The following DLGAP1 variants were observed in gnomAD, a reference collection of about 807,000 sequenced individuals.
The protein encoded by DLGAP1 is disks large-associated protein 1.
In DLGAP1, 11 loss-of-function variants were observed where a neutral mutation model predicts 90.8. That is an observed-to-expected ratio of 0.12 (90% CI 0.08 to 0.20). The LOEUF (loss-of-function observed/expected upper bound fraction) is 0.20, where lower values mean the gene tolerates loss of function less well. DLGAP1 is among the 10% of genes least tolerant of loss of function. The probability of loss-of-function intolerance (pLI) is 1.00; values close to 1 mark genes in which losing one functional copy is unlikely to be tolerated. For synonymous variants in DLGAP1, 558 were observed against 540.7 expected (o/e 1.03, Z -0.44); for missense variants, 1,050 against 1,333.8 (o/e 0.79, Z 3.31).
In DLGAP1 at chr18:3,581,908, A is replaced by G. The variant is rs776910584; in HGVS notation, c.1932T>C (p.Phe644=). Residue 644 remains phenylalanine, a synonymous_variant, in exon 8 of 13, where the codon TTT becomes TTC. Coordinates refer to ENST00000315677, the MANE Select transcript of DLGAP1 (RefSeq NM_004746.4). ...VTTEDRKKDH[F]KKNRCLSIGI... ...CGATAGACAGGCATCGATTTTTCTT[A>G]AAGTGGTCCTTCTTCCTGTCCTCCG... is the stretch of plus-strand genomic sequence containing the variant. 5 of 1,614,180 alleles carry G rather than the reference A, an allele frequency of 3.1e-6. No individual in the cohort carries two copies.
chr18:4,412,785 ATAGAG>A (rs2082807831), intron 1 of DLGAP1, among the ~76,000 whole-genome samples: 1 of 152,198 alleles, frequency 6.6e-6, no homozygotes, highest in Non-Finnish European at 1.5e-5. Context: ...AGTGAACACG[ATAGAG>A]TATAGATTCC....
intron 1 of DLGAP1, among the ~76,000 whole-genome samples, chr18:4,258,010 T>TGTGCGC (rs529531621): frequency 1.1e-4 from 15 of 137,112 alleles, no homozygotes; most frequent in African/African-American, 2.3e-4. Flanking sequence ...TGTGTGTGTG[T>TGTGCGC]GCGCGCGCGC....
At chr18:4,306,475 G>T (rs2080266902) in intron 1 of DLGAP1, among the ~76,000 whole-genome samples, 1 of 144,830 alleles carries the variant, frequency 6.9e-6, no homozygotes, top group African/African-American at 2.5e-5. Context: ...GAGAGAGAGA[G>T]ACAGACAGAG....
At chr18:3,741,184 A>ACC (rs2062980362) in intron 6 of DLGAP1, among the ~76,000 whole-genome samples, 1 of 51,418 alleles carries the variant, frequency 1.9e-5, no homozygotes, top group Non-Finnish European at 4.0e-5. Context: ...CACCACCACC[A>ACC]CCACCACCAC....
chr18:3,570,482 T>C (rs2054710078), intron 8 of DLGAP1, among the ~76,000 whole-genome samples: 1 of 151,870 alleles, frequency 6.6e-6, no homozygotes, highest in African/African-American at 2.4e-5. Context: ...TTTCACTACA[T>C]TGGCCAGGCT....
intron 1 of DLGAP1, among the ~76,000 whole-genome samples, chr18:4,357,617 T>C (rs2081549767): frequency 6.6e-6 from 1 of 152,086 alleles, no homozygotes; most frequent in African/African-American, 2.4e-5. Flanking sequence ...AAGAGAAGAG[T>C]TGGTGTAGCT....
chr18:3,879,447 G>T lies in DLGAP1; in HGVS notation c.622C>A (p.Leu208Met). Residue 208 changes from leucine (L) to methionine (M), a missense_variant, in exon 4 of 13, where the codon CTG (leucine) becomes ATG (methionine). Coordinates refer to ENST00000315677, the MANE Select transcript of DLGAP1 (RefSeq NM_004746.4). This position sits in a 1 kb window ranked among gnomAD's most constrained non-coding sequence, Gnocchi z 6.6. ...SPGWWSSDDN[L>M]DGDMCIYHAP... The stretch of plus-strand genomic sequence containing the variant: ...TGGTAGATGCACATGTCACCATCCA[G>T]GTTGTCGTCCGAGCTCCACCAGCCC... 6.2e-7 allele frequency: 1 copy of T among 1,607,990 alleles called. No homozygotes were observed. Among genetic ancestry groups the T allele is most frequent in the Non-Finnish European group, 8.5e-7 (1 of 1,179,950 alleles).
At chr18:4,003,542 CA>C (rs1311289726) in intron 3 of DLGAP1, among the ~76,000 whole-genome samples, 2 of 139,478 alleles carry the variant, frequency 1.4e-5, no homozygotes, top group African/African-American at 2.7e-5. Flanking sequence ...AAACAGAAAA[CA>C]AAGTATTTCA....
intron 7 of DLGAP1, among the ~76,000 whole-genome samples, chr18:3,636,567 A>G (rs368277229): frequency 2.0e-5 from 3 of 146,768 alleles, no homozygotes; most frequent in Admixed American, 1.4e-4. Flanking sequence ...GCACGCCACA[A>G]TGCATGGCTA....
chr18:4,094,910 T>C (rs1354894750), intron 2 of DLGAP1, among the ~76,000 whole-genome samples: 2 of 152,188 alleles, frequency 1.3e-5, no homozygotes, highest in African/African-American at 4.8e-5. Flanking sequence ...CTATTTTTTC[T>C]TGATATCTGC....
chr18:3,750,433 C>T (rs147631222), intron 5 of DLGAP1, among the ~76,000 whole-genome samples: 2 of 152,196 alleles, frequency 1.3e-5, no homozygotes, highest in East Asian at 1.9e-4. Flanking sequence ...TAAACATACA[C>T]GTGCATGTGT....
intron 2 of DLGAP1, among the ~76,000 whole-genome samples, chr18:4,114,540 TC>T (rs1191087446): frequency 6.6e-6 from 1 of 152,136 alleles, no homozygotes; most frequent in Non-Finnish European, 1.5e-5. Context: ...AGGTATAGGA[TC>T]TTATCGTCAG....
At chr18:3,624,975 C>CCTACCT in intron 7 of DLGAP1, among the ~76,000 whole-genome samples, 1 of 152,266 alleles carries the variant, frequency 6.6e-6, no homozygotes, top group East Asian at 1.9e-4. Context: ...CTACCTACCA[C>CCTACCT]ACACACAATA....
intron 7 of DLGAP1, among the ~76,000 whole-genome samples, chr18:3,670,152 G>GA (rs1179278209): frequency 1.3e-5 from 2 of 152,166 alleles, no homozygotes; most frequent in Non-Finnish European, 2.9e-5. Context: ...TAAGACGATC[G>GA]AAGTGAGATC....
intron 1 of DLGAP1, among the ~76,000 whole-genome samples, chr18:4,174,106 G>T (rs1210731024): frequency 6.6e-6 from 1 of 151,992 alleles, no homozygotes; most frequent in African/African-American, 2.4e-5. Flanking sequence ...ATGCTAATTG[G>T]ACATTTTATT....
intron 10 of DLGAP1, among the ~76,000 whole-genome samples, chr18:3,522,747 T>C (rs1290000989): frequency 6.6e-6 from 1 of 151,966 alleles, no homozygotes; most frequent in East Asian, 1.9e-4. Flanking sequence ...TTCACCATGT[T>C]GGCCAGGTTG....
chr18:4,341,751 C>A (rs987930919), intron 1 of DLGAP1, among the ~76,000 whole-genome samples: 9 of 152,066 alleles, frequency 5.9e-5, no homozygotes, highest in African/African-American at 2.2e-4. Context: ...CTGGATACTG[C>A]ATATTTTTTG....
chr18:3,651,790 T>C (rs1224900898), intron 7 of DLGAP1, among the ~76,000 whole-genome samples: 1 of 152,086 alleles, frequency 6.6e-6, no homozygotes, highest in Admixed American at 6.5e-5. Flanking sequence ...CTGGCTAACA[T>C]GGTGAAACCC....
chr18:4,261,723 T>C (rs1013395104), intron 1 of DLGAP1, among the ~76,000 whole-genome samples: 2 of 152,164 alleles, frequency 1.3e-5, no homozygotes, highest in East Asian at 1.9e-4. Context: ...TTCTATCTGA[T>C]AGTGGCTGTG....
Sources: gnomAD v4.1 joint callset for allele counts (sites outside exome capture counted in the v4.1 genomes callset) on GRCh38, gnomAD v4.1.1 for gene constraint, Gnocchi (gnomAD v3.1) non-coding constraint, MANE v1.5 for transcripts, NCBI Gene and HGNC (gene_info 2026-07-23, HGNC 2026-07-21) for gene names.